CELF4: variants seen among roughly 807,000 people sequenced by gnomAD.
CELF4 encodes CUGBP Elav-like family member 4, also known as CUG-BP- and ETR-3-like factor 4.
In CELF4, 18 loss-of-function variants were observed where a neutral mutation model predicts 59.9. The observed-to-expected ratio is 0.30, with a 90% CI of 0.21 to 0.45. The LOEUF (loss-of-function observed/expected upper bound fraction) is 0.45. Ranked by LOEUF, CELF4 falls within the 20% of genes least tolerant of loss-of-function variation. The pLI is 1.00. For synonymous variants in CELF4, 261 were observed against 267.1 expected (o/e 0.98, Z 0.22); for missense variants, 456 against 689.0 (o/e 0.66, Z 3.79).
At chr18:37,278,601 C>T (rs976132800) in intron 3 of CELF4, among the ~76,000 whole-genome samples, 4 of 152,176 alleles carry the variant, frequency 2.6e-5, no homozygotes, top group African/African-American at 7.2e-5. Flanking sequence ...AGGGTCCCAG[C>T]GCCTGCCAAG....
At chr18:37,527,565 G>A (rs2099965325) in intron 1 of CELF4, among the ~76,000 whole-genome samples, 1 of 152,072 alleles carries the variant, frequency 6.6e-6, no homozygotes, top group East Asian at 1.9e-4. Context: ...GATCCTCATT[G>A]AACCGGAACA....
chr18:37,549,259 G>A (rs2099982407), intron 1 of CELF4, among the ~76,000 whole-genome samples: 1 of 152,214 alleles, frequency 6.6e-6, no homozygotes. Flanking sequence ...CAGGACCCTG[G>A]AGAACAGAGG....
At chr18:37,460,663 A>G (rs902015142) in intron 2 of CELF4, among the ~76,000 whole-genome samples, 3 of 152,262 alleles carry the variant, frequency 2.0e-5, no homozygotes, top group Non-Finnish European at 4.4e-5. Context: ...TGCTAATGGC[A>G]TACAGATGCA....
chr18:37,522,572 G>A (rs1008022143), intron 1 of CELF4, among the ~76,000 whole-genome samples: 3 of 152,174 alleles, frequency 2.0e-5, no homozygotes, highest in Non-Finnish European at 4.4e-5. Context: ...AACTGAGCCT[G>A]TGAAATGCAA....
At chr18:37,465,220 C>T (rs1475354783) in intron 2 of CELF4, among the ~76,000 whole-genome samples, 1 of 152,128 alleles carries the variant, frequency 6.6e-6, no homozygotes, top group Admixed American at 6.5e-5. Flanking sequence ...TGCTTGATTT[C>T]CAGAGGATCT....
intron 3 of CELF4, chr18:37,276,047 A>G (rs568652236): frequency 1.3e-5 from 2 of 152,360 alleles, no homozygotes; most frequent in African/African-American, 4.8e-5. Flanking sequence ...GGTATGTCAC[A>G]TATTTTTTCT....
chr18:37,562,350 A>G (rs1477516095), intron 1 of CELF4, among the ~76,000 whole-genome samples: 2 of 148,990 alleles, frequency 1.3e-5, no homozygotes, highest in Non-Finnish European at 3.0e-5. Context: ...CCTGTGTTTA[A>G]TTTAGTTTTT....
At chr18:37,300,715 G>T (rs1569548240) in intron 3 of CELF4, among the ~76,000 whole-genome samples, 2 of 152,240 alleles carry the variant, frequency 1.3e-5, no homozygotes, top group Non-Finnish European at 2.9e-5. Flanking sequence ...AACAATCAGG[G>T]TAGTGATATA....
chr18:37,380,140 C>T (rs1231048967), intron 2 of CELF4, among the ~76,000 whole-genome samples: 1 of 152,164 alleles, frequency 6.6e-6, no homozygotes, highest in Admixed American at 6.5e-5. Context: ...CAGGCTGGCA[C>T]TCCCAATGCT....
Position 37,457,210 on chromosome 18 carries a change from C to T in CELF4, c.369+28315G>A, listed in dbSNP as rs73947220. On this transcript the variant is annotated intron_variant, in intron 2 of 12. Transcript: ENST00000420428. Reference sequence around the variant, plus strand: ...CCTGGCTCCCTGTGGCCTTTGTTGCCTCCAGAGCCTGACTGGAGCTGTCTT... The same window carrying T: ...CCTGGCTCCCTGTGGCCTTTGTTGCTTCCAGAGCCTGACTGGAGCTGTCTT... Among the ~76,000 whole-genome samples the T allele has an allele frequency of 7.1e-3, 1,080 of 152,296 alleles. 13 individuals are homozygous for T. The highest frequency in any genetic ancestry group is 0.025 in the African/African-American group (1,031 of 41,546).
intron 4 of CELF4, 95 bp downstream of exon 4, chr18:37,275,020 G>A: frequency 1.9e-6 from 3 of 1,549,228 alleles, no homozygotes; most frequent in Non-Finnish European, 2.6e-6. Context: ...CCCAGAGACA[G>A]ACGGCGATGG....
intron 2 of CELF4, among the ~76,000 whole-genome samples, chr18:37,390,101 C>T (rs1015827190): frequency 1.3e-5 from 2 of 152,202 alleles, no homozygotes; most frequent in African/African-American, 4.8e-5. Flanking sequence ...TCTGCCCCTG[C>T]TAGCTCCAGG....
At position 37,264,598 on chromosome 18, in the gene CELF4, C is replaced by G; in HGVS notation, c.1249+76G>C. The G allele has an allele frequency of 2.3e-6, 3 of 1,295,328 alleles. No homozygotes were observed. In the South Asian group the frequency reaches 3.8e-5, roughly 16 times the overall value. 80.2% of individuals were successfully genotyped at this position (1,295,328 alleles called of 1,614,324 possible). On this transcript the variant is annotated intron_variant, in intron 10 of 12. Transcript: ENST00000420428. The stretch of plus-strand genomic sequence containing the variant: ...GTCACCTTTCCAACGCACACCCCAG[C>G]CCAAGGCCCAGGTGAGCAGCCTCTT...
intron 2 of CELF4, among the ~76,000 whole-genome samples, chr18:37,330,348 T>G (rs1449485636): frequency 6.6e-6 from 1 of 152,300 alleles, no homozygotes; most frequent in South Asian, 2.1e-4. Flanking sequence ...AACCCTTGCC[T>G]GAGGGCTTCT....
intron 2 of CELF4, among the ~76,000 whole-genome samples, chr18:37,338,290 T>C (rs1315344943): frequency 4.0e-5 from 1 of 25,294 alleles, no homozygotes. Context: ...ACTGACACCA[T>C]TGTCACCACT....
intron 2 of CELF4, among the ~76,000 whole-genome samples, chr18:37,406,165 C>T (rs1228872367): frequency 6.6e-6 from 1 of 151,806 alleles, no homozygotes; most frequent in Non-Finnish European, 1.5e-5. Context: ...CCCCTGCAGC[C>T]CAAACTGAAT....
At chr18:37,387,459 G>T (rs1256205424) in intron 2 of CELF4, among the ~76,000 whole-genome samples, 1 of 152,226 alleles carries the variant, frequency 6.6e-6, no homozygotes, top group Non-Finnish European at 1.5e-5. Context: ...ACGGGAGGCT[G>T]TTGTTCAATC....
At chr18:37,516,800 T>C (rs2099951146) in intron 1 of CELF4, among the ~76,000 whole-genome samples, 1 of 152,174 alleles carries the variant, frequency 6.6e-6, no homozygotes, top group South Asian at 2.1e-4. Flanking sequence ...CCCCCACAGC[T>C]GGCATGGGGC....
At chr18:37,310,101 C>T (rs1252584219) in intron 3 of CELF4, among the ~76,000 whole-genome samples, 1 of 151,982 alleles carries the variant, frequency 6.6e-6, no homozygotes, top group Non-Finnish European at 1.5e-5. Context: ...AAAATGACAA[C>T]TTCAACAGCT....
Sources: allele counts gnomAD v4.1 joint callset (sites outside exome capture counted in the v4.1 genomes callset), GRCh38; gene constraint gnomAD v4.1.1; transcripts MANE v1.5; gene names NCBI Gene and HGNC (gene_info 2026-07-23, HGNC 2026-07-21).